The following TBCK variants were observed in gnomAD, a reference collection of about 807,000 sequenced individuals.
TBCK encodes TBC1 domain containing kinase.
In TBCK, 99 loss-of-function variants were observed where a neutral mutation model predicts 113.4. That is an observed-to-expected ratio of 0.87 (90% confidence interval 0.74 to 1.03). TBCK has a LOEUF of 1.03. TBCK is among the 50% of genes least tolerant of loss of function. TBCK has a pLI of 0.00. For synonymous variants in TBCK, 369 were observed against 370.8 expected (o/e 1.00, Z 0.05); for missense variants, 1,045 against 1,061.3 (o/e 0.98, Z 0.21).
chr4:106,316,651 GT>G, upstream of TBCK: 1 of 1,527,184 alleles, frequency 6.5e-7, no homozygotes, highest in Non-Finnish European at 8.9e-7. Flanking sequence ...GATCGTAGGG[GT>G]CTTCCTTCTC....
intron 3 of TBCK, among the ~76,000 whole-genome samples, chr4:106,280,952 T>A (rs1022697727): frequency 8.5e-5 from 13 of 152,158 alleles, no homozygotes; most frequent in Admixed American, 6.5e-4. Flanking sequence ...TTTTTCTATT[T>A]CTGTAAAGAA....
chr4:106,048,388 A>G (rs1734445899), intron 25 of TBCK, among the ~76,000 whole-genome samples: 1 of 152,094 alleles, frequency 6.6e-6, no homozygotes, highest in Admixed American at 6.5e-5. Context: ...ATCCTCTCTT[A>G]GAGCTAACAG....
intron 23 of TBCK, among the ~76,000 whole-genome samples, chr4:106,143,913 T>TA (rs561608123): frequency 0.15 from 17,616 of 114,352 alleles, 1,397 homozygotes; most frequent in South Asian, 0.27. Flanking sequence ...AAACTCTGTC[T>TA]AAAAAAAAAA....
chr4:106,183,960 GC>G (rs746052891), intron 22 of TBCK, among the ~76,000 whole-genome samples: 83 of 151,970 alleles, frequency 5.5e-4, no homozygotes, highest in Admixed American at 1.5e-3. Flanking sequence ...TATGCTCCTA[GC>G]AGGTATTGAG....
At chr4:106,254,600 A>G (rs912964433) in intron 5 of TBCK, among the ~76,000 whole-genome samples, 1 of 152,132 alleles carries the variant, frequency 6.6e-6, no homozygotes, top group Non-Finnish European at 1.5e-5. Context: ...ATAATCTGTT[A>G]ATTTTCTCAA....
At chr4:106,071,628 G>C (rs1391952606) in intron 25 of TBCK, among the ~76,000 whole-genome samples, 3 of 152,176 alleles carry the variant, frequency 2.0e-5, no homozygotes, top group Admixed American at 2.0e-4. Flanking sequence ...TTGGTGCAGA[G>C]GTGAGTTCAA....
At chr4:106,163,306 C>T (rs575259654) in intron 23 of TBCK, 2 of 152,430 alleles carry the variant, frequency 1.3e-5, no homozygotes, top group Admixed American at 6.5e-5. Context: ...CCACATCTGC[C>T]TGTCTTCTGA....
At chr4:106,210,796 T>A (rs867423084) in intron 20 of TBCK, among the ~76,000 whole-genome samples, 45 of 152,328 alleles carry the variant, frequency 3.0e-4, no homozygotes, top group African/African-American at 1.1e-3. Context: ...TCACATTAAT[T>A]ATGTTTTAAC....
intron 25 of TBCK, among the ~76,000 whole-genome samples, chr4:106,090,251 C>G (rs567283127): frequency 1.1e-3 from 174 of 152,312 alleles, no homozygotes; most frequent in African/African-American, 4.1e-3. Flanking sequence ...AGGGTGGCAG[C>G]CTGAGCTTTA....
chr4:106,221,676 AAAAG>A (rs1308623118), intron 19 of TBCK, among the ~76,000 whole-genome samples: 6 of 152,116 alleles, frequency 3.9e-5, no homozygotes. Flanking sequence ...TTACAAAAAA[AAAAG>A]AAAAACAGAA....
Position 106,231,790 on chromosome 4 carries a change from G to A in TBCK, c.1640-11C>T. 1 of 1,605,914 alleles carries A rather than the reference G, an allele frequency of 6.2e-7. No individual in the cohort carries two copies. Among genetic ancestry groups the A allele is most frequent in the Non-Finnish European group, 8.5e-7 (1 of 1,176,262 alleles). ...AAAGTGAGTCAAGACCTAACACAGAGGGGTTGGGAGAAAGAAGTCAAATAA... is the reference window on the plus strand; with the variant it reads ...AAAGTGAGTCAAGACCTAACACAGAAGGGTTGGGAGAAAGAAGTCAAATAA... On this transcript the variant is annotated splice_polypyrimidine_tract_variant and intron_variant, in intron 17 of 25. Coordinates refer to ENST00000394708, the MANE Select transcript of TBCK (RefSeq NM_001163435.3).
intron 19 of TBCK, 112 bp from the exon 20 acceptor site, chr4:106,212,947 ATACTT>A: frequency 2.9e-6 from 2 of 683,474 alleles, no homozygotes; most frequent in East Asian, 2.8e-5. Flanking sequence ...CTCCATGAGA[ATACTT>A]TACGTGATAA....
chr4:106,119,247 T>C (rs567915711), intron 23 of TBCK, among the ~76,000 whole-genome samples: 12 of 152,300 alleles, frequency 7.9e-5, no homozygotes, highest in African/African-American at 2.9e-4. Context: ...GGACAAGATT[T>C]AGGATAATTA....
chr4:106,212,812 T>C lies in TBCK; in HGVS notation c.1798A>G (p.Met600Val). The C allele has an allele frequency of 5.6e-6, 9 of 1,612,640 alleles. No homozygotes were observed. The highest frequency in any genetic ancestry group is 3.3e-5 in the South Asian group (3 of 90,890). Reference sequence around the variant, plus strand: ...AGCTCTGGATCATGAAATGCAATCATCTGAGAGAAGACAGTCAGATACTCT... The same window carrying C: ...AGCTCTGGATCATGAAATGCAATCACCTGAGAGAAGACAGTCAGATACTCT... ...IQEYLTVFSQMIAFHDPELSN... is the reference protein window; with the variant it reads ...IQEYLTVFSQVIAFHDPELSN... The change falls in exon 20 of 26, where the codon ATG becomes GTG. Residue 600 changes from methionine (M) to valine (V), a missense_variant. Transcript: ENST00000394708.
In TBCK at chr4:106,242,571, T is replaced by C. The variant is rs1560893245; in HGVS notation, c.1071-2A>G. 6.3e-7 allele frequency: 1 copy of C among 1,587,880 alleles called. No individual in the cohort carries two copies. The highest frequency in any genetic ancestry group is 2.3e-5 in the East Asian group (1 of 44,238). ...CTTTCACCATCCTCAAAGAGAAAAC[T>C]GAAAAGAAATTTTTAAAAATAATAT... On this transcript the variant is annotated splice_acceptor_variant, in intron 11 of 25. Transcript: ENST00000394708. LOFTEE classifies it high-confidence loss of function.
At chr4:106,253,386 T>G (rs1319107887) in intron 5 of TBCK, among the ~76,000 whole-genome samples, 1 of 152,172 alleles carries the variant, frequency 6.6e-6, no homozygotes, top group Non-Finnish European at 1.5e-5. Flanking sequence ...TTCCTGCTTT[T>G]TATTATTAAC....
chr4:106,280,856 T>C (rs1263654457), intron 3 of TBCK, among the ~76,000 whole-genome samples: 1 of 152,080 alleles, frequency 6.6e-6, no homozygotes, highest in Non-Finnish European at 1.5e-5. Flanking sequence ...GTCAGTAAAT[T>C]TGAATCCTCC....
intron 23 of TBCK, among the ~76,000 whole-genome samples, chr4:106,130,424 A>C (rs930938417): frequency 1.3e-5 from 2 of 152,130 alleles, no homozygotes; most frequent in Non-Finnish European, 2.9e-5. Context: ...ATAGCACTGA[A>C]CTCATGTAAA....
intron 2 of TBCK, among the ~76,000 whole-genome samples, chr4:106,302,834 G>A (rs565093263): frequency 1.4e-4 from 22 of 152,296 alleles, no homozygotes; most frequent in African/African-American, 4.8e-4. Context: ...GCTTGGTGAT[G>A]TAAAAAGCTC....
Sources: gnomAD v4.1 joint callset for allele counts (sites outside exome capture counted in the v4.1 genomes callset) on GRCh38, gnomAD v4.1.1 for gene constraint, MANE v1.5 for transcripts, NCBI Gene and HGNC (gene_info 2026-07-23, HGNC 2026-07-21) for gene names.